Variants in SOCS5 observed in about 807,000 individuals in gnomAD.
SOCS5 encodes CIS-6.
SOCS5 carries 32 observed loss-of-function variants against 42.8 expected under a neutral mutation model. The ratio of observed to expected loss-of-function variants is 0.75; its 90% CI spans 0.56 to 1.01. The LOEUF (loss-of-function observed/expected upper bound fraction) is 1.01. Ranked by LOEUF, SOCS5 falls within the 50% of genes least tolerant of loss-of-function variation. SOCS5 has a pLI of 0.00. For missense variants in SOCS5, 627 were observed against 653.0 expected (o/e 0.96, Z 0.43); for synonymous variants, 283 against 229.6 (o/e 1.23, Z -2.10).
At chr2:46,737,184 G>C (rs762129962) in intron 1 of SOCS5, among the ~76,000 whole-genome samples, 2 of 152,166 alleles carry the variant, frequency 1.3e-5, no homozygotes, top group African/African-American at 4.8e-5. Context: ...GTAGATCCAA[G>C]AGTGGAATTA....
intron 1 of SOCS5, among the ~76,000 whole-genome samples, chr2:46,743,065 C>T (rs996658835): frequency 1.3e-5 from 2 of 152,044 alleles, no homozygotes; most frequent in African/African-American, 2.4e-5. Flanking sequence ...ATTTTAGGCC[C>T]CAAAGTATAG....
At chr2:46,705,381 A>G (rs1672439598) in intron 1 of SOCS5, among the ~76,000 whole-genome samples, 1 of 152,202 alleles carries the variant, frequency 6.6e-6, no homozygotes, top group Non-Finnish European at 1.5e-5. Flanking sequence ...TTTGAATTAG[A>G]GGGCAGCCAG....
In SOCS5 at chr2:46,762,116, G is replaced by A. The variant is rs1673884964; in HGVS notation, c.*1975G>A. The A allele has an allele frequency of 6.0e-6, 1 of 166,932 alleles. No individual in the cohort carries two copies. 10.3% of individuals were successfully genotyped at this position (166,932 alleles called of 1,614,324 possible). A position where few individuals can be genotyped will look rare whatever the true frequency, so the allele number is the denominator to read the frequency against. On this transcript the variant is annotated 3_prime_UTR_variant, in exon 2 of 2. Coordinates refer to ENST00000394861, the MANE Select transcript of SOCS5 (RefSeq NM_144949.3). ...CTTTTAAAGCAAAATGGGGATTGAA[G>A]GGACTTATAATTTCTGTTGTTTCTA...
At position 46,758,709 on chromosome 2, in the gene SOCS5, G is replaced by A; in HGVS notation, c.179G>A (p.Arg60Lys). ...CCTCAGCAACAAAGCAGTCCCTTAAGAGAAAATATTGCCTTACAACTGGGA... is the reference window on the plus strand; with the variant it reads ...CCTCAGCAACAAAGCAGTCCCTTAAAAGAAAATATTGCCTTACAACTGGGA... Reference protein sequence around the residue: ...STPQQQSSPLRENIALQLGLS... With the variant: ...STPQQQSSPLKENIALQLGLS... Residue 60 changes from arginine to lysine, a missense_variant, in exon 2 of 2, where the codon AGA (arginine) becomes AAA (lysine). By Grantham distance (26) the Arg-to-Lys change is conservative. Transcript: ENST00000394861. 6.2e-7 allele frequency: 1 copy of A among 1,614,148 alleles called. No homozygotes were observed. The highest frequency in any genetic ancestry group is 8.5e-7 in the Non-Finnish European group (1 of 1,179,998).
chr2:46,738,929 G>C (rs967210852), intron 1 of SOCS5, among the ~76,000 whole-genome samples: 2 of 152,178 alleles, frequency 1.3e-5, no homozygotes, highest in Non-Finnish European at 2.9e-5. Context: ...TAAGAACGCA[G>C]ATTCTTTAAG....
chr2:46,721,813 T>C (rs1672890186), intron 1 of SOCS5, among the ~76,000 whole-genome samples: 1 of 152,150 alleles, frequency 6.6e-6, no homozygotes, highest in Non-Finnish European at 1.5e-5. Context: ...CATGCCTTCT[T>C]AGGATGGTTT....
At chr2:46,711,556 C>G (rs1471076342) in intron 1 of SOCS5, among the ~76,000 whole-genome samples, 3 of 152,128 alleles carry the variant, frequency 2.0e-5, no homozygotes, top group Non-Finnish European at 4.4e-5. Flanking sequence ...ATTTTTCTTC[C>G]AGTCTGTGGC....
At chr2:46,730,942 G>A (rs1444930714) in intron 1 of SOCS5, among the ~76,000 whole-genome samples, 2 of 152,178 alleles carry the variant, frequency 1.3e-5, no homozygotes, top group African/African-American at 2.4e-5. Context: ...TACTAATAAG[G>A]TTGGTGGGGG....
chr2:46,729,097 T>A (rs1323466697), intron 1 of SOCS5, among the ~76,000 whole-genome samples: 1 of 152,230 alleles, frequency 6.6e-6, no homozygotes, highest in Non-Finnish European at 1.5e-5. Flanking sequence ...TTATCTGTGC[T>A]GTATAACTTC....
chr2:46,746,378 C>A (rs1345113488), intron 1 of SOCS5, among the ~76,000 whole-genome samples: 1 of 151,942 alleles, frequency 6.6e-6, no homozygotes, highest in Non-Finnish European at 1.5e-5. Context: ...CCATCAGGGC[C>A]GGGTGGCTCA....
chr2:46,748,812 T>A lies in SOCS5; in HGVS notation c.-12-9707T>A, dbSNP rs1383471685. On this transcript the variant is annotated intron_variant, in intron 1 of 1. Transcript: ENST00000394861. ...CTAAACTGCTGGGGTTATAAAGTGG[T>A]TATCCTCCCTAGAGAAGGAAATGGT... Among the ~76,000 whole-genome samples the A allele has an allele frequency of 4.6e-5, 7 of 152,298 alleles. No homozygotes were observed. The East Asian group carries it at 1.3e-3, about 29-fold the overall frequency.
rs545199099 is a variant in SOCS5 at position 46,734,217 on chromosome 2, T to A, written c.-12-24302T>A. ...TTTTTTTTAATTAGAAAACTAAAAT[T>A]TACAAAAATATTATACAGTCATTGC... On this transcript the variant is annotated intron_variant, in intron 1 of 1. Transcript: ENST00000394861. 2.7e-4 allele frequency among the ~76,000 whole-genome samples: 41 copies of A among 152,264 alleles called. 1 individual carries two copies. The East Asian group carries it at 7.7e-3, about 29-fold the overall frequency.
intron 1 of SOCS5, among the ~76,000 whole-genome samples, chr2:46,751,203 G>T (rs1357123147): frequency 6.6e-6 from 1 of 152,028 alleles, no homozygotes; most frequent in East Asian, 1.9e-4. Flanking sequence ...TACATTGTTA[G>T]CCCCCAATAA....
intron 1 of SOCS5, among the ~76,000 whole-genome samples, chr2:46,725,032 A>G (rs1371813790): frequency 6.6e-6 from 1 of 151,766 alleles, no homozygotes; most frequent in Non-Finnish European, 1.5e-5. Flanking sequence ...TGCTTCATAT[A>G]TTTTGAAGTT....
chr2:46,729,403 A>G (rs1401230590), intron 1 of SOCS5, among the ~76,000 whole-genome samples: 1 of 152,208 alleles, frequency 6.6e-6, no homozygotes, highest in Non-Finnish European at 1.5e-5. Flanking sequence ...TTGTTCGACC[A>G]TCATAGACAA....
At chr2:46,735,308 A>G (rs536039081) in intron 1 of SOCS5, among the ~76,000 whole-genome samples, 2 of 152,328 alleles carry the variant, frequency 1.3e-5, no homozygotes, top group South Asian at 2.1e-4. Flanking sequence ...AAGCAGCAGT[A>G]TGGAAGAAAA....
chr2:46,738,065 T>A (rs1034355971), intron 1 of SOCS5, among the ~76,000 whole-genome samples: 3 of 152,120 alleles, frequency 2.0e-5, no homozygotes, highest in African/African-American at 7.2e-5. Context: ...CATTTGAACT[T>A]GATGTAGATG....
At chr2:46,749,506 T>A (rs1049868993) in intron 1 of SOCS5, among the ~76,000 whole-genome samples, 1 of 152,144 alleles carries the variant, frequency 6.6e-6, no homozygotes, top group African/African-American at 2.4e-5. Context: ...TAAGAAACAT[T>A]TTGATGAATC....
intron 1 of SOCS5, among the ~76,000 whole-genome samples, chr2:46,709,967 C>G (rs1232872158): frequency 2.0e-5 from 3 of 151,998 alleles, no homozygotes; most frequent in South Asian, 4.1e-4. Flanking sequence ...TTTTAAAATA[C>G]AGATTTCCAG....
Sources: gnomAD v4.1 joint callset for allele counts (sites outside exome capture counted in the v4.1 genomes callset) on GRCh38, gnomAD v4.1.1 for gene constraint, MANE v1.5 for transcripts, NCBI Gene and HGNC (gene_info 2026-07-23, HGNC 2026-07-21) for gene names.